SPAG16: variants seen among roughly 807,000 people sequenced by gnomAD.
SPAG16 encodes sperm-associated antigen 16 protein.
In SPAG16, 86 loss-of-function variants were observed where a neutral mutation model predicts 80.4. The observed-to-expected ratio is 1.07, with a 90% CI of 0.90 to 1.28. The LOEUF (loss-of-function observed/expected upper bound fraction) is 1.28, where lower values mean the gene tolerates loss of function less well. Among genes scored for constraint, SPAG16 ranks in the 50% most tolerant of loss-of-function variants. The pLI is 0.00. For missense variants in SPAG16, 870 were observed against 765.3 expected (o/e 1.14, Z -1.61); for synonymous variants, 294 against 265.9 (o/e 1.11, Z -1.03).
At chr2:214,177,872 TAAGTTAAAAAAGCAGAATATATATATAC>T (rs2057145631) in intron 15 of SPAG16, among the ~76,000 whole-genome samples, 5 of 134,760 alleles carry the variant, frequency 3.7e-5, no homozygotes, top group African/African-American at 1.4e-4. Context: ...AGGTAAATTT[TAAGTTAAAAAAGCAGAATATATATATAC>T]ATATATATAT....
At chr2:213,353,910 C>T (rs1017048618) in intron 7 of SPAG16, among the ~76,000 whole-genome samples, 2 of 152,164 alleles carry the variant, frequency 1.3e-5, no homozygotes, top group Non-Finnish European at 1.5e-5. Flanking sequence ...TTTTTTTATA[C>T]TTTAAGTTCT....
At chr2:214,282,117 A>C (rs1189634519) in intron 15 of SPAG16, among the ~76,000 whole-genome samples, 4 of 152,192 alleles carry the variant, frequency 2.6e-5, no homozygotes, top group Admixed American at 6.5e-5. Flanking sequence ...TACATGTGTT[A>C]AAACATTGAA....
chr2:213,890,318 T>C (rs1482807977), intron 11 of SPAG16, among the ~76,000 whole-genome samples: 1 of 152,088 alleles, frequency 6.6e-6, no homozygotes, highest in Non-Finnish European at 1.5e-5. Context: ...TATTAGTAAG[T>C]GACATTTTCC....
At chr2:213,848,404 C>A (rs1421772737) in intron 10 of SPAG16, among the ~76,000 whole-genome samples, 1 of 152,192 alleles carries the variant, frequency 6.6e-6, no homozygotes, top group Non-Finnish European at 1.5e-5. Context: ...GGACTCATTT[C>A]AGGTCTGTTG....
At chr2:213,766,997 G>C (rs1372812669) in intron 10 of SPAG16, among the ~76,000 whole-genome samples, 2 of 152,268 alleles carry the variant, frequency 1.3e-5, no homozygotes, top group East Asian at 1.9e-4. Context: ...TAGGTTTTCA[G>C]TCAGGAGCCA....
chr2:213,742,404 C>G (rs2067596417), intron 10 of SPAG16, among the ~76,000 whole-genome samples: 2 of 152,074 alleles, frequency 1.3e-5, no homozygotes, highest in Admixed American at 1.3e-4. Context: ...ATGATACTAA[C>G]AAGACATTAT....
At chr2:213,512,094 A>G (rs2075249585) in intron 10 of SPAG16, among the ~76,000 whole-genome samples, 2 of 152,170 alleles carry the variant, frequency 1.3e-5, no homozygotes. Context: ...TTATCAATGA[A>G]TAACAGTCAT....
chr2:214,403,210 T>C (rs1367942315), intron 15 of SPAG16, among the ~76,000 whole-genome samples: 2 of 151,802 alleles, frequency 1.3e-5, no homozygotes, highest in East Asian at 3.9e-4. Flanking sequence ...AAGCAGAGTA[T>C]ATGCTAGTAT....
chr2:213,930,475 GCTTTCC>G (rs2078701656), intron 12 of SPAG16, among the ~76,000 whole-genome samples: 1 of 152,050 alleles, frequency 6.6e-6, no homozygotes, highest in Non-Finnish European at 1.5e-5. Context: ...TTTTAGTTCC[GCTTTCC>G]ACAGGCTTGT....
At chr2:213,707,198 A>G (rs1361598572) in intron 10 of SPAG16, among the ~76,000 whole-genome samples, 1 of 152,200 alleles carries the variant, frequency 6.6e-6, no homozygotes, top group South Asian at 2.1e-4. Context: ...ACTTTGGGAT[A>G]AAGTTCAAAT....
intron 13 of SPAG16, among the ~76,000 whole-genome samples, chr2:214,058,132 C>T (rs1232515306): frequency 1.3e-5 from 2 of 152,146 alleles, no homozygotes; most frequent in African/African-American, 2.4e-5. Flanking sequence ...GGAACTTTTC[C>T]ATTGCATTCA....
At chr2:213,970,555 G>A (rs2044986554) in intron 12 of SPAG16, among the ~76,000 whole-genome samples, 1 of 152,084 alleles carries the variant, frequency 6.6e-6, no homozygotes. Flanking sequence ...GCCCAATTTG[G>A]CCTCCCAAAG....
At chr2:214,233,918 G>A (rs1325750916) in intron 15 of SPAG16, among the ~76,000 whole-genome samples, 6 of 151,824 alleles carry the variant, frequency 4.0e-5, no homozygotes, top group Non-Finnish European at 5.9e-5. Context: ...GGGTACATGC[G>A]CAGCATGTAC....
intron 11 of SPAG16, among the ~76,000 whole-genome samples, chr2:213,886,380 A>G (rs1439789701): frequency 6.6e-6 from 1 of 152,022 alleles, no homozygotes; most frequent in African/African-American, 2.4e-5. Context: ...TGGCGGGTAG[A>G]ATGAGCAGCT....
At chr2:213,482,873 T>C (rs1240860595) in intron 9 of SPAG16, among the ~76,000 whole-genome samples, 1 of 152,182 alleles carries the variant, frequency 6.6e-6, no homozygotes, top group East Asian at 1.9e-4. Flanking sequence ...CTTTTAAATA[T>C]GGTATTTATA....
intron 10 of SPAG16, among the ~76,000 whole-genome samples, chr2:213,643,021 A>C (rs2062659215): frequency 6.8e-6 from 1 of 145,990 alleles, no homozygotes; most frequent in Non-Finnish European, 1.5e-5. Flanking sequence ...TTAATACTTA[A>C]TAAACTCCCC....
At chr2:214,152,699 G>T (rs1044008069) in intron 15 of SPAG16, among the ~76,000 whole-genome samples, 5 of 152,220 alleles carry the variant, frequency 3.3e-5, no homozygotes, top group African/African-American at 1.2e-4. Context: ...TGGCTGTGCT[G>T]TTATTTATTG....
intron 11 of SPAG16, among the ~76,000 whole-genome samples, chr2:213,874,861 G>T (rs1033740987): frequency 2.0e-5 from 3 of 152,124 alleles, no homozygotes; most frequent in Non-Finnish European, 4.4e-5. Context: ...GACCATTTTT[G>T]AACTCTGTCA....
chr2:214,271,150 C>T (rs1397058925), intron 15 of SPAG16, among the ~76,000 whole-genome samples: 2 of 152,002 alleles, frequency 1.3e-5, no homozygotes, highest in Non-Finnish European at 2.9e-5. Context: ...AAACCAATGA[C>T]TAGTTAGTAT....
Sources: allele counts gnomAD v4.1 joint callset (sites outside exome capture counted in the v4.1 genomes callset), GRCh38; gene constraint gnomAD v4.1.1; transcripts MANE v1.5; gene names NCBI Gene and HGNC (gene_info 2026-07-23, HGNC 2026-07-21).